The following CTNNA3 variants were observed in gnomAD, a reference collection of about 807,000 sequenced individuals.
CTNNA3 encodes catenin alpha 3.
CTNNA3 carries 76 observed loss-of-function variants against 95.7 expected under a neutral mutation model. The observed-to-expected ratio is 0.79, with a 90% CI of 0.66 to 0.96. CTNNA3 has a LOEUF of 0.96. Ranked by LOEUF, CTNNA3 falls within the 40% of genes least tolerant of loss-of-function variation. The pLI is 0.00. For missense variants in CTNNA3, 1,191 were observed against 1,089.8 expected (o/e 1.09, Z -1.31); for synonymous variants, 431 against 374.4 (o/e 1.15, Z -1.74).
At chr10:67,735,856 A>G (rs1841299828) in intron 1 of CTNNA3, among the ~76,000 whole-genome samples, 1 of 152,228 alleles carries the variant, frequency 6.6e-6, no homozygotes, top group African/African-American at 2.4e-5. Context: ...ATTTATATAT[A>G]AATGTTCACA....
At chr10:66,691,486 C>A (rs1847535584) in intron 9 of CTNNA3, among the ~76,000 whole-genome samples, 1 of 152,206 alleles carries the variant, frequency 6.6e-6, no homozygotes, top group Admixed American at 6.5e-5. Flanking sequence ...CCCACCACAG[C>A]TCAAGGAGGC....
At chr10:66,844,852 C>G (rs1008503265) in intron 7 of CTNNA3, among the ~76,000 whole-genome samples, 1 of 152,134 alleles carries the variant, frequency 6.6e-6, no homozygotes, top group Non-Finnish European at 1.5e-5. Context: ...TACTATGGCC[C>G]TAACTTTTTG....
At chr10:67,264,588 A>T (rs560524394) in intron 5 of CTNNA3, among the ~76,000 whole-genome samples, 2 of 152,294 alleles carry the variant, frequency 1.3e-5, no homozygotes, top group East Asian at 3.9e-4. Flanking sequence ...ATTGGAACAG[A>T]CATTAAATGC....
At chr10:67,381,787 G>A (rs1015747356) in intron 5 of CTNNA3, among the ~76,000 whole-genome samples, 9 of 152,118 alleles carry the variant, frequency 5.9e-5, no homozygotes, top group Admixed American at 4.6e-4. Flanking sequence ...AATTGAAAAC[G>A]CTCACTCAGA....
intron 7 of CTNNA3, among the ~76,000 whole-genome samples, chr10:66,957,401 TATATATATATATGCATATATATATATGC>T (rs1190642995): frequency 0.022 from 677 of 30,564 alleles, 9 homozygotes; most frequent in Admixed American, 0.047. Flanking sequence ...TACATATATA[TATATATATATATGCATATATATATATGC>T]ATATATATAT....
chr10:67,646,858 T>C (rs1053578359), intron 2 of CTNNA3, among the ~76,000 whole-genome samples: 1 of 152,058 alleles, frequency 6.6e-6, no homozygotes, highest in African/African-American at 2.4e-5. Flanking sequence ...ACTTACATAA[T>C]AAAAAAAGTC....
At chr10:66,176,367 A>C (rs2085713346) in intron 13 of CTNNA3, among the ~76,000 whole-genome samples, 1 of 152,120 alleles carries the variant, frequency 6.6e-6, no homozygotes, top group Admixed American at 6.6e-5. Flanking sequence ...TGTATTTGAA[A>C]TATTTTTAAA....
intron 1 of CTNNA3, among the ~76,000 whole-genome samples, chr10:67,715,758 C>A (rs1589579127): frequency 6.6e-6 from 1 of 152,212 alleles, no homozygotes; most frequent in East Asian, 1.9e-4. Flanking sequence ...GATATTTTAG[C>A]CCCATCAGAT....
chr10:66,420,835 A>AATTAATTAATTAATT (rs1652537233), intron 11 of CTNNA3, among the ~76,000 whole-genome samples: 1,823 of 92,990 alleles, frequency 0.02, 42 homozygotes, highest in African/African-American at 0.068. Context: ...ATAAATAAAT[A>AATTAATTAATTAATT]AATAAAAAAC....
intron 16 of CTNNA3, among the ~76,000 whole-genome samples, chr10:65,985,157 CAA>C (rs951220977): frequency 6.6e-5 from 10 of 150,572 alleles, no homozygotes; most frequent in African/African-American, 2.4e-4. Context: ...CTTCATTTTC[CAA>C]GAGAGTATAA....
chr10:67,227,858 C>T (rs1175635228), intron 5 of CTNNA3, among the ~76,000 whole-genome samples: 3 of 152,124 alleles, frequency 2.0e-5, no homozygotes, highest in Non-Finnish European at 4.4e-5. Flanking sequence ...TCTCAGACCA[C>T]AGTGGGAAAA....
intron 13 of CTNNA3, among the ~76,000 whole-genome samples, chr10:66,248,516 G>A (rs1453587213): frequency 6.6e-6 from 1 of 151,642 alleles, no homozygotes; most frequent in Non-Finnish European, 1.5e-5. Flanking sequence ...CCCCTATAAA[G>A]ATAAACACAG....
At chr10:67,331,332 G>T (rs1295030108) in intron 5 of CTNNA3, among the ~76,000 whole-genome samples, 1 of 152,196 alleles carries the variant, frequency 6.6e-6, no homozygotes, top group Non-Finnish European at 1.5e-5. Flanking sequence ...TGAATAAACT[G>T]CTGTGTTTCC....
At chr10:66,647,159 A>T (rs1845734165) in intron 9 of CTNNA3, among the ~76,000 whole-genome samples, 1 of 152,226 alleles carries the variant, frequency 6.6e-6, no homozygotes, top group Non-Finnish European at 1.5e-5. Flanking sequence ...TAAAAGAATG[A>T]ATGGACATTG....
rs186094591 is a variant in CTNNA3 at position 66,620,377 on chromosome 10, T to C, written c.1374+1315A>G. Among the ~76,000 whole-genome samples, 10 of 152,086 alleles carry C rather than the reference T, an allele frequency of 6.6e-5. No homozygotes were observed. The East Asian group carries it at 1.9e-3, about 29-fold the overall frequency. On this transcript the variant is annotated intron_variant, in intron 10 of 17. Transcript: ENST00000433211. Reference sequence around the variant, plus strand: ...TACAACCTAACAAAAATCGGAAAATTGGAAAACGATATAAGCAAGTCACCG... The same window carrying C: ...TACAACCTAACAAAAATCGGAAAATCGGAAAACGATATAAGCAAGTCACCG...
intron 6 of CTNNA3, among the ~76,000 whole-genome samples, chr10:67,201,909 C>T (rs182629101): frequency 6.6e-6 from 1 of 152,176 alleles, no homozygotes; most frequent in Admixed American, 6.5e-5. Flanking sequence ...GTAATTAAAC[C>T]AAATATGAGA....
intron 9 of CTNNA3, among the ~76,000 whole-genome samples, chr10:66,688,313 T>C (rs1216240147): frequency 1.3e-5 from 2 of 152,114 alleles, no homozygotes; most frequent in African/African-American, 2.4e-5. Flanking sequence ...CCTGCCTATG[T>C]CCTTTATTAT....
At chr10:67,393,188 C>T (rs1394270493) in intron 5 of CTNNA3, among the ~76,000 whole-genome samples, 1 of 152,136 alleles carries the variant, frequency 6.6e-6, no homozygotes, top group Non-Finnish European at 1.5e-5. Flanking sequence ...CTGCTGAATT[C>T]AAAATCTGCC....
intron 9 of CTNNA3, among the ~76,000 whole-genome samples, chr10:66,706,095 G>C (rs1261584693): frequency 6.6e-6 from 1 of 151,910 alleles, no homozygotes; most frequent in Non-Finnish European, 1.5e-5. Context: ...TCAGCCTCTA[G>C]AACAGTATTT....
Sources: allele counts gnomAD v4.1 joint callset (sites outside exome capture counted in the v4.1 genomes callset), GRCh38; gene constraint gnomAD v4.1.1; transcripts MANE v1.5; gene names NCBI Gene and HGNC (gene_info 2026-07-23, HGNC 2026-07-21).